Variants in ZNF600 observed in about 807,000 individuals in gnomAD.
ZNF600 encodes the protein zinc finger protein KR-ZNF1.
In ZNF600, 4 loss-of-function variants were observed where a neutral mutation model predicts 7.3. The ratio of observed to expected loss-of-function variants is 0.55; its 90% CI spans 0.27 to 1.25. ZNF600 has a LOEUF of 1.25. Ranked by LOEUF, ZNF600 falls within the 50% of genes most tolerant of loss-of-function variation. ZNF600 has a pLI of 0.12. For synonymous variants in ZNF600, 290 were observed against 308.9 expected, an observed-to-expected ratio of 0.94 and a Z score of 0.64; for missense variants, 911 against 922.1, an observed-to-expected ratio of 0.99 and a Z score of 0.16.
chr19:52,783,906 T>C (rs1303980521), intron 1 of ZNF600, among the ~76,000 whole-genome samples: 1 of 152,158 alleles, frequency 6.6e-6, no homozygotes, highest in African/African-American at 2.4e-5. Flanking sequence ...TTCTTCTGCC[T>C]CAGCCTCCTA....
the ZNF600 span, chr19:52,814,468 A>T: frequency 4.1e-5 from 6 of 145,900 alleles, 2 homozygotes; most frequent in Admixed American, 4.1e-4. Context: ...ATGGCACGTG[A>T]CTATAATCCC....
At chr19:52,809,801 G>T in the ZNF600 span, 10 of 508,448 alleles carry the variant, frequency 2.0e-5, no homozygotes, top group Non-Finnish European at 3.1e-5. Context: ...CGAAAAAAAA[G>T]GAGCCCAGTC....
At chr19:52,786,518 TATA>T (rs1408012950) in intron 1 of ZNF600, 74 bp downstream of exon 1, 3 of 164,990 alleles carry the variant, frequency 1.8e-5, no homozygotes, top group African/African-American at 7.1e-5. Flanking sequence ...TACATTGCCC[TATA>T]GCAGAAAGAC....
At chr19:52,785,782 G>T (rs2062758523) in intron 1 of ZNF600, among the ~76,000 whole-genome samples, 1 of 151,880 alleles carries the variant, frequency 6.6e-6, no homozygotes, top group South Asian at 2.1e-4. Context: ...GTCTGCCCTG[G>T]CTCCAAATCC....
the ZNF600 span, chr19:52,809,946 G>A: frequency 1.2e-6 from 1 of 834,012 alleles, no homozygotes; most frequent in Non-Finnish European, 2.0e-6. Context: ...GGTTGCCCCG[G>A]GGGGCGCAGG....
the ZNF600 span, among the ~76,000 whole-genome samples, chr19:52,808,673 AC>A: frequency 1.5e-4 from 22 of 150,312 alleles, no homozygotes; most frequent in African/African-American, 5.4e-4. Context: ...CATTAGCTGG[AC>A]CTGGTGGCAG....
At chr19:52,810,627 C>G in the ZNF600 span, 18 of 1,425,340 alleles carry the variant, frequency 1.3e-5, no homozygotes, top group East Asian at 1.8e-4. Flanking sequence ...GCTCTCCATT[C>G]TACAGTGGTT....
At chr19:52,826,744 T>C in the ZNF600 span, among the ~76,000 whole-genome samples, 1 of 151,828 alleles carries the variant, frequency 6.6e-6, no homozygotes, top group Admixed American at 6.6e-5. Flanking sequence ...GGCCTGGTGG[T>C]GCACACCTGT....
rs138961809 is a variant in ZNF600, at chr19:52,766,038, C to T, written c.1925G>A (p.Arg642His). Reference sequence around the variant, plus strand: ...AGATTTCTCTCCAGTATGAAGTCTACGATGGTGAACAAGGGATGGCTTGTG... The same window carrying T: ...AGATTTCTCTCCAGTATGAAGTCTATGATGGTGAACAAGGGATGGCTTGTG... Residue 642 changes from arginine (R) to histidine (H), a missense_variant, in exon 4 of 4, where the codon CGT becomes CAT. Coordinates refer to ENST00000648973, the Ensembl canonical transcript of ZNF600. 3.9e-5 allele frequency: 63 copies of T among 1,612,862 alleles called. No homozygotes were observed. The African/African-American group carries it at 6.3e-4, about 16-fold the overall frequency.
the ZNF600 span, chr19:52,800,811 T>C: frequency 1.9e-6 from 3 of 1,614,140 alleles, no homozygotes; most frequent in East Asian, 6.7e-5. Context: ...AATTATAGTA[T>C]GTTTTGCTAG....
the ZNF600 span, chr19:52,810,724 GGAGA>G: frequency 8.4e-6 from 6 of 713,398 alleles, no homozygotes; most frequent in South Asian, 8.2e-5. Flanking sequence ...ATGTGTATTA[GGAGA>G]GAGAGGAAAA....
the ZNF600 span, among the ~76,000 whole-genome samples, chr19:52,817,762 C>T: frequency 6.6e-6 from 1 of 152,126 alleles, no homozygotes; most frequent in Non-Finnish European, 1.5e-5. Context: ...CTCCCATGTT[C>T]ATGTCACTGG....
At chr19:52,777,358 C>T (rs939353403) in intron 2 of ZNF600, among the ~76,000 whole-genome samples, 13 of 152,024 alleles carry the variant, frequency 8.6e-5, no homozygotes, top group African/African-American at 1.2e-4. Flanking sequence ...ACCTGGGCAA[C>T]GGAGCGAGAC....
At chr19:52,812,856 G>A in the ZNF600 span, among the ~76,000 whole-genome samples, 1 of 149,870 alleles carries the variant, frequency 6.7e-6, no homozygotes, top group Non-Finnish European at 1.5e-5. Flanking sequence ...TTGAGGAAAT[G>A]CATCACCCTG....
At chr19:52,800,273 C>T in the ZNF600 span, 9 of 1,613,430 alleles carry the variant, frequency 5.6e-6, no homozygotes, top group African/African-American at 6.7e-5. Context: ...ATTCATTACA[C>T]ATGTATGGTT....
chr19:52,787,072 A>G (rs1254736010), upstream of ZNF600, among the ~76,000 whole-genome samples: 3 of 152,268 alleles, frequency 2.0e-5, no homozygotes, highest in Admixed American at 6.5e-5. Context: ...TTTCATGCTG[A>G]TGGCCCACAG....
exon 4 of ZNF600, chr19:52,767,193 T>C (rs763671688): frequency 1.2e-6 from 2 of 1,614,192 alleles, no homozygotes; most frequent in Non-Finnish European, 1.7e-6. Flanking sequence ...TTTATATTGT[T>C]TGTCTCCTAA....
At chr19:52,764,373 G>C (rs887085808), downstream of ZNF600, 1 of 151,816 alleles carries the variant, frequency 6.6e-6, no homozygotes, top group African/African-American at 2.4e-5. Flanking sequence ...ACCACCCCCC[G>C]GCTAACTTTT....
the ZNF600 span, chr19:52,798,359 A>G: frequency 2.9e-6 from 1 of 345,418 alleles, no homozygotes; most frequent in Non-Finnish European, 5.7e-6. Flanking sequence ...TGTTAAGTCA[A>G]CTCAAACTCA....
Sources: allele counts gnomAD v4.1 joint callset (sites outside exome capture counted in the v4.1 genomes callset), GRCh38; gene constraint gnomAD v4.1.1; transcripts MANE v1.5; gene names NCBI Gene and HGNC (gene_info 2026-07-23, HGNC 2026-07-21).